The following ZNF737 variants were observed in gnomAD, a reference collection of about 807,000 sequenced individuals.
ZNF737 encodes the protein zinc finger protein 102 (Y3).
In ZNF737, 13 loss-of-function variants were observed where a neutral mutation model predicts 11.7. That is an observed-to-expected ratio of 1.11 (90% confidence interval 0.73 to 1.77). The LOEUF (loss-of-function observed/expected upper bound fraction) is 1.77, where lower values mean the gene tolerates loss of function less well. Among genes scored for constraint, ZNF737 ranks in the 40% most tolerant of loss-of-function variants. ZNF737 has a pLI of 0.00. For synonymous variants in ZNF737, 217 were observed against 216.2 expected (o/e 1.00, Z -0.03); for missense variants, 636 against 638.0 (o/e 1.00, Z 0.03).
rs768538034 is a variant in ZNF737 at position 20,542,726 on chromosome 19, G to A, written c.*1866C>T. 14 of 983,986 alleles carry A rather than the reference G, an allele frequency of 1.4e-5. No homozygotes were observed. Among genetic ancestry groups the A allele is most frequent in the South Asian group, 9.4e-5 (2 of 21,238 alleles). 61.0% of individuals were successfully genotyped at this position (983,986 alleles called of 1,614,324 possible). ...TTCTCCACTTGTATTTTCATTATGC[G>A]TCTTACATTTTAATGTTCTTACTAT... On this transcript the variant is annotated 3_prime_UTR_variant, in exon 4 of 4. Transcript: ENST00000427401.
At chr19:20,533,095 A>C (rs1195692024), downstream of ZNF737, among the ~76,000 whole-genome samples, 4 of 150,092 alleles carry the variant, frequency 2.7e-5, no homozygotes, top group Non-Finnish European at 4.4e-5. Flanking sequence ...CTGACCCTAC[A>C]TACAACAATA....
In ZNF737 at chr19:20,545,919, A is replaced by G. The variant is rs1968439385; in HGVS notation, c.284T>C (p.Phe95Ser). 2 of 1,595,064 alleles carry G rather than the reference A, an allele frequency of 1.3e-6. No homozygotes were observed. The highest frequency in any genetic ancestry group is 1.7e-6 in the Non-Finnish European group (2 of 1,173,888). ...LWPEQSIKDSFQKVTLRRYEN... is the reference protein window; with the variant it reads ...LWPEQSIKDSSQKVTLRRYEN... ...ATATCTTCTCAGTGTCACTTTTTGG[A>G]AAGAATCTTTTATGCTCTGCTCTGG... is the stretch of plus-strand genomic sequence containing the variant. The change falls in exon 4 of 4, where the codon TTC becomes TCC. Residue 95 changes from phenylalanine (F) to serine (S), a missense_variant. Coordinates refer to ENST00000427401, the MANE Select transcript of ZNF737 (RefSeq NM_001159293.2).
At position 20,542,107 on chromosome 19, in the gene ZNF737, A is replaced by G. The variant is rs1968230491; in HGVS notation, c.*2485T>C. On this transcript the variant is annotated 3_prime_UTR_variant, in exon 4 of 4. Coordinates refer to ENST00000427401, the MANE Select transcript of ZNF737 (RefSeq NM_001159293.2). ...ATGTATGAAATAGTATATTCCTACA[A>G]TATTGTACCTACACCCTTGAGTAAA... 1 of 985,318 alleles carries G rather than the reference A, an allele frequency of 1.0e-6. No individual in the cohort carries two copies. Among genetic ancestry groups the G allele is most frequent in the Non-Finnish European group, 1.2e-6 (1 of 829,808 alleles). 61.0% of individuals were successfully genotyped at this position (985,318 alleles called of 1,614,324 possible).
chr19:20,538,285 C>G lies in ZNF737; in HGVS notation c.*6307G>C, dbSNP rs1555754326. 6.6e-6 allele frequency among the ~76,000 whole-genome samples: 1 copy of G among 152,192 alleles called. No individual in the cohort carries two copies. The highest frequency in any genetic ancestry group is 1.5e-5 in the Non-Finnish European group (1 of 68,026). ...TTTGCCCTGGCATGCTTATACTAAT[C>G]CAAGCAAGCATTAGGTCATAGCCTG... On this transcript the variant is annotated 3_prime_UTR_variant, in exon 4 of 4. Transcript: ENST00000427401.
At chr19:20,563,879 A>G (rs1364396070) in intron 1 of ZNF737, among the ~76,000 whole-genome samples, 1 of 152,200 alleles carries the variant, frequency 6.6e-6, no homozygotes, top group Non-Finnish European at 1.5e-5. Context: ...TCTTAAAAAT[A>G]AGTAGGCCTG....
At chr19:20,536,077 A>G (rs1304635871), downstream of ZNF737, 8 of 984,948 alleles carry the variant, frequency 8.1e-6, no homozygotes, top group African/African-American at 7.0e-5. Context: ...TCCATTCACT[A>G]TTATTCAATG....
In ZNF737 at chr19:20,541,173, TGTTTA is replaced by T. The variant is rs1449754568; in HGVS notation, c.*3414_*3418del. 9 of 982,124 alleles carry T rather than the reference TGTTTA, an allele frequency of 9.2e-6. No individual in the cohort carries two copies. The African/African-American group carries it at 1.4e-4, about 15-fold the overall frequency. 60.8% of individuals were successfully genotyped at this position (982,124 alleles called of 1,614,324 possible). ...AGATTTGCTTTCACCATTTTAAAAG[TGTTTA>T]GTTTTGTTAATCACCTAAATAACAT... is the stretch of plus-strand genomic sequence containing the variant. On this transcript the variant is annotated 3_prime_UTR_variant, in exon 4 of 4. Transcript: ENST00000427401.
In ZNF737 at chr19:20,539,786, A is replaced by G. The variant is rs141674130; in HGVS notation, c.*4806T>C. On this transcript the variant is annotated 3_prime_UTR_variant, in exon 4 of 4. Transcript: ENST00000427401. ...GACATTACCCACTGGTCTTCATGGC[A>G]TTTCTGTAATAAATAGTGTAAACCT... 179 of 985,448 alleles carry G rather than the reference A, an allele frequency of 1.8e-4. 1 individual carries two copies. The African/African-American group carries it at 2.7e-3, about 15-fold the overall frequency. 61.0% of individuals were successfully genotyped at this position (985,448 alleles called of 1,614,324 possible).
chr19:20,542,974 G>A lies in ZNF737; in HGVS notation c.*1618C>T. ...CTTCCAAAAATCTACTCCTTTTAAA[G>A]TTAAATAGAAATCATTTACCTAAAA... On this transcript the variant is annotated 3_prime_UTR_variant, in exon 4 of 4. Transcript: ENST00000427401. 1 of 975,314 alleles carries A rather than the reference G, an allele frequency of 1.0e-6. No homozygotes were observed. The highest frequency in any genetic ancestry group is 1.2e-6 in the Non-Finnish European group (1 of 829,434). The allele number at this position is 975,314 out of a possible 1,614,324, so 60.4% of individuals were successfully genotyped here. A position where few individuals can be genotyped will look rare whatever the true frequency, so the allele number is the denominator to read the frequency against.
At position 20,553,680 on chromosome 19, in the gene ZNF737, T is replaced by C. The variant is rs781798527; in HGVS notation, c.130+29A>G. On this transcript the variant is annotated intron_variant, in intron 2 of 3. Transcript: ENST00000427401. The stretch of plus-strand genomic sequence containing the variant: ...GAGAAATAAAGTCTTTTGTGTATAT[T>C]ATGAATTATGTATTAAAGTTTTTCT... The C allele has an allele frequency of 1.9e-6, 3 of 1,603,110 alleles. No individual in the cohort carries two copies. The African/African-American group carries it at 4.0e-5, about 22-fold the overall frequency.
At chr19:20,556,682 C>T (rs1968900544) in intron 1 of ZNF737, among the ~76,000 whole-genome samples, 1 of 152,212 alleles carries the variant, frequency 6.6e-6, no homozygotes, top group Admixed American at 6.5e-5. Flanking sequence ...CTCATACAAA[C>T]AAGGACAACC....
chr19:20,543,138 T>G lies in ZNF737; in HGVS notation c.*1454A>C. 1.0e-6 allele frequency: 1 copy of G among 956,416 alleles called. No homozygotes were observed. Among genetic ancestry groups the G allele is most frequent in the South Asian group, 4.8e-5 (1 of 20,644 alleles). 59.2% of individuals were successfully genotyped at this position (956,416 alleles called of 1,614,324 possible). On this transcript the variant is annotated 3_prime_UTR_variant, in exon 4 of 4. Transcript: ENST00000427401. ...TTTTGAATTAAATATTTTTTAATAT[T>G]TACTGCATCTGCAAAATTATATTTT... is the stretch of plus-strand genomic sequence containing the variant.
Position 20,553,942 on chromosome 19 carries a change from GGACT to G in ZNF737, c.4-111_4-108del, listed in dbSNP as rs1464429616. On this transcript the variant is annotated intron_variant, in intron 1 of 3. Coordinates refer to ENST00000427401, the MANE Select transcript of ZNF737 (RefSeq NM_001159293.2). ...TAAAGACAAATGGTTCTGACTTATA[GGACT>G]GACTAAAATTATCCAATAAAATAAC... 78 of 1,314,510 alleles carry G rather than the reference GGACT, an allele frequency of 5.9e-5. No homozygotes were observed. The Admixed American group carries it at 1.6e-3, about 27-fold the overall frequency. The allele number at this position is 1,314,510 out of a possible 1,614,324, so 81.4% of individuals were successfully genotyped here. A position where few individuals can be genotyped will look rare whatever the true frequency, so the allele number is the denominator to read the frequency against.
chr19:20,540,961 TG>T lies in ZNF737; in HGVS notation c.*3630del, dbSNP rs1555754984. On this transcript the variant is annotated 3_prime_UTR_variant, in exon 4 of 4. Transcript: ENST00000427401. The stretch of plus-strand genomic sequence containing the variant: ...ATCCAATTATTCAATTTTGGTTGAA[TG>T]TTCATTCAAATAAGTGTTAAAAATG... The T allele has an allele frequency of 1.0e-6, 1 of 981,180 alleles. No individual in the cohort carries two copies. 60.8% of individuals were successfully genotyped at this position (981,180 alleles called of 1,614,324 possible). A position where few individuals can be genotyped will look rare whatever the true frequency, so the allele number is the denominator to read the frequency against.
chr19:20,530,278 C>G, the ZNF737 span, among the ~76,000 whole-genome samples: 1 of 136,048 alleles, frequency 7.4e-6, no homozygotes, highest in Non-Finnish European at 1.6e-5. Flanking sequence ...CCCCCCACCT[C>G]CCTCCCGGAT....
chr19:20,537,102 C>CA (rs1967996810), downstream of ZNF737, among the ~76,000 whole-genome samples: 1 of 151,238 alleles, frequency 6.6e-6, no homozygotes, highest in Non-Finnish European at 1.5e-5. Context: ...GACTCTGTCT[C>CA]AAAAAACAAA....
the ZNF737 span, among the ~76,000 whole-genome samples, chr19:20,530,637 G>A: frequency 8.1e-5 from 12 of 147,598 alleles, no homozygotes; most frequent in East Asian, 2.1e-4. Flanking sequence ...ACGGGGCGGC[G>A]GGGCAGAGGC....
Position 20,538,969 on chromosome 19 carries a change from A to G in ZNF737, c.*5623T>C, listed in dbSNP as rs1555754512. On this transcript the variant is annotated 3_prime_UTR_variant, in exon 4 of 4. Coordinates refer to ENST00000427401, the MANE Select transcript of ZNF737 (RefSeq NM_001159293.2). ...TGTTAAAGCAAATCAGAGAAGAGCA[A>G]TGTGTGTACATAATGTGCATTTTCC... The G allele has an allele frequency of 1.0e-5, 10 of 985,264 alleles. No homozygotes were observed. The African/African-American group carries it at 1.2e-4, about 12-fold the overall frequency. The allele number at this position is 985,264 out of a possible 1,614,324, so 61.0% of individuals were successfully genotyped here.
rs1555763617 is a variant in ZNF737 at position 20,565,628 on chromosome 19, G to A, written c.3+10C>T. 6.2e-7 allele frequency: 1 copy of A among 1,614,156 alleles called. No homozygotes were observed. The highest frequency in any genetic ancestry group is 1.7e-5 in the Admixed American group (1 of 60,016). Reference sequence around the variant, plus strand: ...CCCCCTCTCTCGGGATGTCGGACCGGCACTCTCACCATTTCTAGGCTTCCA... The same window carrying A: ...CCCCCTCTCTCGGGATGTCGGACCGACACTCTCACCATTTCTAGGCTTCCA... On this transcript the variant is annotated intron_variant, in intron 1 of 3. Coordinates refer to ENST00000427401, the MANE Select transcript of ZNF737 (RefSeq NM_001159293.2).
Sources: gnomAD v4.1 joint callset for allele counts (sites outside exome capture counted in the v4.1 genomes callset) on GRCh38, gnomAD v4.1.1 for gene constraint, MANE v1.5 for transcripts, NCBI Gene and HGNC (gene_info 2026-07-23, HGNC 2026-07-21) for gene names.